COG4: variants seen among roughly 807,000 people sequenced by gnomAD.
The protein encoded by COG4 is component of oligomeric golgi complex 4.
A neutral mutation model predicts 95.1 loss-of-function variants in COG4; 65 were observed. The ratio of observed to expected loss-of-function variants is 0.68; its 90% confidence interval spans 0.56 to 0.84. The LOEUF is 0.84. Ranked by LOEUF, COG4 falls within the 40% of genes least tolerant of loss-of-function variation. The pLI is 0.00. For missense variants in COG4, 1,045 were observed against 989.1 expected, an observed-to-expected ratio of 1.06 and a Z score of -0.76; for synonymous variants, 421 against 374.8, an observed-to-expected ratio of 1.12 and a Z score of -1.42.
chr16:70,495,290 G>A (rs1195543046), intron 12 of COG4, among the ~76,000 whole-genome samples: 1 of 151,548 alleles, frequency 6.6e-6, no homozygotes, highest in Non-Finnish European at 1.5e-5. Context: ...CCAGCTACTC[G>A]GGAGGCTAAA....
intron 12 of COG4, among the ~76,000 whole-genome samples, chr16:70,491,995 G>A (rs2049254903): frequency 6.6e-6 from 1 of 152,128 alleles, no homozygotes; most frequent in Admixed American, 6.6e-5. Flanking sequence ...CATTCCAGAA[G>A]GGAAGCCAGA....
chr16:70,496,172 T>G (rs772942197), intron 12 of COG4, 94 bp downstream of exon 12: 97 of 1,322,500 alleles, frequency 7.3e-5, no homozygotes, highest in Non-Finnish European at 1.0e-4. Context: ...GGAGGAAAAG[T>G]CTCTAGCTAG....
At chr16:70,494,019 G>C (rs917888198) in intron 12 of COG4, among the ~76,000 whole-genome samples, 2 of 152,178 alleles carry the variant, frequency 1.3e-5, no homozygotes, top group Non-Finnish European at 2.9e-5. Context: ...ATCTTGCCCA[G>C]AGTGCTTCCC....
At chr16:70,482,702 T>C (rs796633279) in intron 15 of COG4, 27 bp downstream of exon 15, 3 of 1,599,592 alleles carry the variant, frequency 1.9e-6, no homozygotes, top group African/African-American at 1.3e-5. Context: ...TCATCGGGGC[T>C]TGATGGCTGC....
chr16:70,493,731 C>A (rs903195116), intron 12 of COG4, among the ~76,000 whole-genome samples: 1 of 152,056 alleles, frequency 6.6e-6, no homozygotes, highest in African/African-American at 2.4e-5. Flanking sequence ...GCCCTGTGAC[C>A]TGTGGACAGT....
rs752199500 is a variant in COG4 at position 70,481,815 on chromosome 16, G to T, written c.2055C>A (p.Ser685Arg). 2 of 1,614,084 alleles carry T rather than the reference G, an allele frequency of 1.2e-6. No homozygotes were observed. The highest frequency in any genetic ancestry group is 1.7e-5 in the Admixed American group (1 of 60,018). The change falls in exon 17 of 19, where the codon AGC (serine) becomes AGA (arginine). Residue 685 changes from serine to arginine, a missense_variant. Ser to Arg is a moderately radical substitution (Grantham distance 110). Coordinates refer to ENST00000323786, the MANE Select transcript of COG4 (RefSeq NM_015386.3). ...IYDSLTGLMT[S>R]LVAVELEKVV... Reference sequence around the variant, plus strand: ...CTTTCTCCAACTCGACGGCAACAAGGCTAGTCATGAGGCCGGTTAGGCTGT... The same window carrying T: ...CTTTCTCCAACTCGACGGCAACAAGTCTAGTCATGAGGCCGGTTAGGCTGT...
chr16:70,495,799 T>G (rs2049328690), intron 12 of COG4, among the ~76,000 whole-genome samples: 1 of 152,244 alleles, frequency 6.6e-6, no homozygotes. Flanking sequence ...AGCAAAGGGC[T>G]TTAATAAAGC....
chr16:70,485,860 C>T (rs2049120255), intron 13 of COG4, among the ~76,000 whole-genome samples: 1 of 151,032 alleles, frequency 6.6e-6, no homozygotes, highest in African/African-American at 2.5e-5. Context: ...GCTGAGATTA[C>T]AGGCGTGAAC....
chr16:70,513,274 G>C (rs2049749860), intron 4 of COG4, among the ~76,000 whole-genome samples: 1 of 152,236 alleles, frequency 6.6e-6, no homozygotes, highest in African/African-American at 2.4e-5. Context: ...AACAGAGTGT[G>C]TAAAGATCAT....
rs1555573396 is a variant in COG4, at chr16:70,482,831, G to T, written c.1828-10C>A. On this transcript the variant is annotated splice_polypyrimidine_tract_variant and intron_variant, in intron 14 of 18. Coordinates refer to ENST00000323786, the MANE Select transcript of COG4 (RefSeq NM_015386.3). ...GCTCCGTCAGCCCTTCCTGCACAAG[G>T]ACAAGGTGGAGACATGTGACACAGA... 11 of 1,610,818 alleles carry T rather than the reference G, an allele frequency of 6.8e-6. No homozygotes were observed. The highest frequency in any genetic ancestry group is 9.3e-6 in the Non-Finnish European group (11 of 1,177,308).
Position 70,497,372 on chromosome 16 carries a change from T to C in COG4, c.1330A>G (p.Thr444Ala), listed in dbSNP as rs2049361138. ...GATGTCAGCTGGCCCTTCTCATAGG[T>C]GTCCAGAGCCACAGCCTACCCAAAA... ...ETVNKAVALDTYEKGQLTSSM... is the reference protein window; with the variant it reads ...ETVNKAVALDAYEKGQLTSSM... The change falls in exon 11 of 19, where the codon ACC becomes GCC. Residue 444 changes from threonine to alanine, a missense_variant. Coordinates refer to ENST00000323786, the MANE Select transcript of COG4 (RefSeq NM_015386.3). The C allele has an allele frequency of 6.2e-7, 1 of 1,613,388 alleles. No individual in the cohort carries two copies. Among genetic ancestry groups the C allele is most frequent in the South Asian group, 1.1e-5 (1 of 91,072 alleles).
At chr16:70,494,985 A>G (rs1373444298) in intron 12 of COG4, among the ~76,000 whole-genome samples, 1 of 152,162 alleles carries the variant, frequency 6.6e-6, no homozygotes, top group Non-Finnish European at 1.5e-5. Flanking sequence ...GATCTGTCTC[A>G]TAACTAGTTA....
intron 1 of COG4, chr16:70,522,967 C>T (rs1274889972): frequency 9.2e-6 from 2 of 217,834 alleles, no homozygotes; most frequent in East Asian, 1.2e-4. Context: ...AGTTAATCTG[C>T]AAAGGCTTCC....
chr16:70,506,592 T>TTA (rs2049572835), intron 8 of COG4, among the ~76,000 whole-genome samples: 1 of 11,172 alleles, frequency 9.0e-5, no homozygotes, highest in Non-Finnish European at 1.8e-4. Flanking sequence ...CGAGACTGCC[T>TTA]CAAAAAAAAA....
Position 70,523,212 on chromosome 16 carries a change from G to T in COG4, c.171+161C>A, listed in dbSNP as rs73573163. On this transcript the variant is annotated intron_variant, in intron 1 of 18. Transcript: ENST00000323786. Reference sequence around the variant, plus strand: ...CGGCGCGTCCGACAGCGTGAAAAGAGTTGACAGGACTACTCATATACCCGA... The same window carrying T: ...CGGCGCGTCCGACAGCGTGAAAAGATTTGACAGGACTACTCATATACCCGA... 0.035 allele frequency: 27,788 copies of T among 801,130 alleles called. 5,014 individuals carry two copies. The African/African-American group carries it at 0.41, about 12-fold the overall frequency. The allele number at this position is 801,130 out of a possible 1,614,324, so 49.6% of individuals were successfully genotyped here. A position where few individuals can be genotyped will look rare whatever the true frequency, so the allele number is the denominator to read the frequency against.
Position 70,511,634 on chromosome 16 carries a change from G to A in COG4, c.738+605C>T, listed in dbSNP as rs1294350825. Among the ~76,000 whole-genome samples, 6 of 150,958 alleles carry A rather than the reference G, an allele frequency of 4.0e-5. No homozygotes were observed. The South Asian group carries it at 1.0e-3, about 26-fold the overall frequency. On this transcript the variant is annotated intron_variant, in intron 5 of 18. Coordinates refer to ENST00000323786, the MANE Select transcript of COG4 (RefSeq NM_015386.3). ...AGGCTGAGGCAGGAGGATTGCTTGA[G>A]CTTTAAGAGTGATTCAGACTGGGCG...
Position 70,481,831 on chromosome 16 carries a change from G to A in COG4, c.2039C>T (p.Thr680Ile). ...SLSPVIYDSL[T>I]GLMTSLVAVE... ...GGCAACAAGGCTAGTCATGAGGCCG[G>A]TTAGGCTGTCGTAGATGACCGGGGA... The change falls in exon 17 of 19, where the codon ACC (threonine) becomes ATC (isoleucine). Residue 680 changes from threonine to isoleucine, a missense_variant. Coordinates refer to ENST00000323786, the MANE Select transcript of COG4 (RefSeq NM_015386.3). The A allele has an allele frequency of 6.2e-7, 1 of 1,614,040 alleles. No homozygotes were observed. Among genetic ancestry groups the A allele is most frequent in the Non-Finnish European group, 8.5e-7 (1 of 1,180,000 alleles).
intron 8 of COG4, chr16:70,501,410 G>A (rs903363521): frequency 1.4e-4 from 45 of 325,344 alleles, no homozygotes; most frequent in Non-Finnish European, 2.5e-4. Flanking sequence ...CTGGAGTGCA[G>A]TGGCTCGATC....
chr16:70,494,787 T>C (rs773171537), intron 12 of COG4, among the ~76,000 whole-genome samples: 3 of 152,216 alleles, frequency 2.0e-5, no homozygotes, highest in Non-Finnish European at 4.4e-5. Flanking sequence ...TGGTTCATGA[T>C]GTGATGCTGG....
Sources: allele counts gnomAD v4.1 joint callset (sites outside exome capture counted in the v4.1 genomes callset), GRCh38; gene constraint gnomAD v4.1.1; transcripts MANE v1.5; gene names NCBI Gene and HGNC (gene_info 2026-07-23, HGNC 2026-07-21).